The following CSDE1 variants were observed in gnomAD, a reference collection of about 807,000 sequenced individuals.
The protein encoded by CSDE1 is cold shock domain-containing protein E1.
Under a neutral mutation model 89.3 loss-of-function variants are expected in CSDE1, and 17 were observed. That is an observed-to-expected ratio of 0.19 (90% CI 0.13 to 0.29). CSDE1 has a LOEUF of 0.29. Ranked by LOEUF, CSDE1 falls within the 10% of genes least tolerant of loss-of-function variation. The pLI is 1.00. For synonymous variants in CSDE1, 322 were observed against 332.8 expected, an observed-to-expected ratio of 0.97 and a Z score of 0.35; for missense variants, 672 against 984.2, an observed-to-expected ratio of 0.68 and a Z score of 4.24.
intron 1 of CSDE1, among the ~76,000 whole-genome samples, chr1:114,753,228 G>C (rs1225853116): frequency 6.6e-6 from 1 of 152,098 alleles, no homozygotes; most frequent in Non-Finnish European, 1.5e-5. Context: ...CCAGGTTGTC[G>C]TATCACATTA....
chr1:114,744,201 AG>A (rs559965441), intron 2 of CSDE1, among the ~76,000 whole-genome samples: 4 of 152,196 alleles, frequency 2.6e-5, no homozygotes, highest in Non-Finnish European at 5.9e-5. Context: ...TTCTTTAAAT[AG>A]GGGGGAAAAA....
At chr1:114,734,580 G>T in intron 6 of CSDE1, 57 bp from the exon 7 acceptor site, 1 of 1,404,870 alleles carries the variant, frequency 7.1e-7, no homozygotes, top group Non-Finnish European at 1.0e-6. Flanking sequence ...AAATGTATTG[G>T]CCTGCTTAGA....
In CSDE1 at chr1:114,739,705, G is replaced by A; in HGVS notation, c.186C>T (p.Asp62=). 6.2e-7 allele frequency: 1 copy of A among 1,607,364 alleles called. No individual in the cohort carries two copies. The part of the protein sequence containing the change: ...HCSQYNGNLQ[D]LKVGDDVEFE... ...CTGACAGATTACCTCCTACTTTTAA[G>A]TCTTGCAGGTTGCCATTATACTGTG... The change falls in exon 3 of 20, where the codon GAC becomes GAT. Residue 62 remains aspartate (D), a synonymous_variant. Transcript: ENST00000358528.
chr1:114,716,943 A>T lies in CSDE1; in HGVS notation c.*1226T>A, dbSNP rs1352130555. The T allele has an allele frequency of 6.6e-6, 1 of 152,636 alleles. No homozygotes were observed. The highest frequency in any genetic ancestry group is 1.5e-5 in the Non-Finnish European group (1 of 68,058). 9.5% of individuals were successfully genotyped at this position (152,636 alleles called of 1,614,324 possible). ...GTGTCTCAAAAATCAGTAAAACTTT[A>T]TTCGCTTCCATTCTTTCGCCATTAA... is the stretch of plus-strand genomic sequence containing the variant. On this transcript the variant is annotated 3_prime_UTR_variant, in exon 20 of 20. Transcript: ENST00000358528.
In CSDE1 at chr1:114,730,247, G is replaced by A. The variant is rs1660028264; in HGVS notation, c.1356+11C>T. Reference sequence around the variant, plus strand: ...CAGCTACAAAAATCATTTGGATTATGCAAAACCTACCTTCTCTTTGCCTTT... The same window carrying A: ...CAGCTACAAAAATCATTTGGATTATACAAAACCTACCTTCTCTTTGCCTTT... On this transcript the variant is annotated intron_variant, in intron 12 of 19. Coordinates refer to ENST00000358528, the MANE Select transcript of CSDE1 (RefSeq NM_001007553.3). 6.2e-7 allele frequency: 1 copy of A among 1,612,256 alleles called. No homozygotes were observed. The highest frequency in any genetic ancestry group is 2.2e-5 in the East Asian group (1 of 44,856).
At chr1:114,724,296 G>T in intron 15 of CSDE1, 1 of 231,694 alleles carries the variant, frequency 4.3e-6, no homozygotes, top group East Asian at 1.2e-4. Context: ...ACTTTTTCCA[G>T]GTGACCATAT....
chr1:114,723,153 G>A (rs1017667086), intron 16 of CSDE1, among the ~76,000 whole-genome samples: 6 of 151,994 alleles, frequency 3.9e-5, no homozygotes, highest in African/African-American at 7.3e-5. Context: ...CACCACGCCC[G>A]GCCTACCAAG....
intron 12 of CSDE1, among the ~76,000 whole-genome samples, chr1:114,728,701 T>C (rs1659937457): frequency 1.3e-5 from 2 of 152,236 alleles, no homozygotes; most frequent in South Asian, 4.1e-4. Flanking sequence ...ATCTGTCACA[T>C]GCGAAATTCC....
At chr1:114,739,943 A>G (rs1349379229) in intron 2 of CSDE1, 53 bp from the exon 3 acceptor site, 1 of 1,437,378 alleles carries the variant, frequency 7.0e-7, no homozygotes, top group Non-Finnish European at 9.7e-7. Context: ...TCTCCATAGC[A>G]TATTAAGTCT....
chr1:114,741,608 A>C (rs1276824986), intron 2 of CSDE1: 1 of 1,549,706 alleles, frequency 6.5e-7, no homozygotes, highest in East Asian at 2.4e-5. Context: ...AAGAAAGTGA[A>C]GGAGGGGCTG....
chr1:114,757,765 T>C (rs1661698177), intron 1 of CSDE1, among the ~76,000 whole-genome samples, 160 bp downstream of exon 1: 1 of 152,100 alleles, frequency 6.6e-6, no homozygotes, highest in South Asian at 2.1e-4. Flanking sequence ...GGGAGACGTA[T>C]GAAAAAGCCC....
In CSDE1 at chr1:114,730,518, G is replaced by A; in HGVS notation, c.1181C>T (p.Thr394Ile). 1.2e-6 allele frequency: 2 copies of A among 1,614,076 alleles called. No individual in the cohort carries two copies. Among genetic ancestry groups the A allele is most frequent in the Non-Finnish European group, 1.7e-6 (2 of 1,180,004 alleles). Residue 394 changes from threonine (T) to isoleucine (I), a missense_variant, in exon 11 of 20, where the codon ACT becomes ATT. Around this residue, in one of 8 missense-constraint regions of CSDE1, gnomAD observed 169 missense variants for 262.9 expected, o/e 0.64. Coordinates refer to ENST00000358528, the MANE Select transcript of CSDE1 (RefSeq NM_001007553.3). Reference sequence around the variant, plus strand: ...TCAGAAACAACTCACAGGAACCACAGTAAACTCTACTTCATCTGCAATATG... The same window carrying A: ...TCAGAAACAACTCACAGGAACCACAATAAACTCTACTTCATCTGCAATATG... Reference protein sequence around the residue: ...QLHIADEVEFTVVPDMLSAQR... With the variant: ...QLHIADEVEFIVVPDMLSAQR...
intron 12 of CSDE1, among the ~76,000 whole-genome samples, chr1:114,728,585 C>G (rs533087378): frequency 6.6e-6 from 1 of 152,252 alleles, no homozygotes; most frequent in Non-Finnish European, 1.5e-5. Flanking sequence ...CTCTCTTCAT[C>G]AAGCCAGTTT....
At chr1:114,741,165 G>C (rs534300831) in intron 2 of CSDE1, among the ~76,000 whole-genome samples, 17 of 152,294 alleles carry the variant, frequency 1.1e-4, no homozygotes, top group African/African-American at 4.1e-4. Context: ...CAGACACAGA[G>C]AAGTTAAATG....
chr1:114,737,572 C>CA lies in CSDE1; in HGVS notation c.310-10dup, dbSNP rs369107001. On this transcript the variant is annotated splice_polypyrimidine_tract_variant and intron_variant, in intron 4 of 19. Transcript: ENST00000358528. ...GGAACAGCGCACACAACCTACCAGT[C>CA]AAAAAAAAAAAAATTTCCATTGCTA... is the stretch of plus-strand genomic sequence containing the variant. 40,738 of 1,168,522 alleles carry CA rather than the reference C, an allele frequency of 0.035. No homozygotes were observed. Among genetic ancestry groups the CA allele is most frequent in the Non-Finnish European group, 0.038 (32,589 of 858,646 alleles). 72.4% of individuals were successfully genotyped at this position (1,168,522 alleles called of 1,614,324 possible).
In CSDE1 at chr1:114,718,124, C is replaced by G; in HGVS notation, c.*45G>C. 2 of 1,607,180 alleles carry G rather than the reference C, an allele frequency of 1.2e-6. No homozygotes were observed. Among genetic ancestry groups the G allele is most frequent in the Admixed American group, 1.7e-5 (1 of 59,936 alleles). On this transcript the variant is annotated 3_prime_UTR_variant, in exon 20 of 20. Transcript: ENST00000358528. ...ATTCAGAACCCTTCACCAGATTCCCCCCAACTTGATCATAGTGGATTAATG... is the reference window on the plus strand; with the variant it reads ...ATTCAGAACCCTTCACCAGATTCCCGCCAACTTGATCATAGTGGATTAATG...
intron 10 of CSDE1, among the ~76,000 whole-genome samples, chr1:114,731,092 A>T (rs576457147): frequency 6.6e-6 from 1 of 151,958 alleles, no homozygotes; most frequent in Non-Finnish European, 1.5e-5. Context: ...AGAATAAAAT[A>T]TATGCAATCT....
intron 2 of CSDE1, chr1:114,748,526 T>C (rs1434895280): frequency 6.6e-6 from 1 of 152,252 alleles, no homozygotes; most frequent in East Asian, 1.9e-4. Flanking sequence ...TGCTATCTAA[T>C]GAACACAATA....
At chr1:114,757,220 C>T (rs895130969) in intron 1 of CSDE1, among the ~76,000 whole-genome samples, 18 of 152,210 alleles carry the variant, frequency 1.2e-4, no homozygotes, top group African/African-American at 3.9e-4. Flanking sequence ...AGACCCTGCT[C>T]TAGGTGACTG....
Sources: allele counts gnomAD v4.1 joint callset (sites outside exome capture counted in the v4.1 genomes callset), GRCh38; gene constraint gnomAD v4.1.1; regional missense constraint gnomAD v4.1.1; transcripts MANE v1.5; gene names NCBI Gene and HGNC (gene_info 2026-07-23, HGNC 2026-07-21).